Variants in LIFR observed in about 807,000 individuals in gnomAD.
LIFR encodes LIF receptor subunit alpha, also known as leukemia inhibitory factor receptor.
A neutral mutation model predicts 122.2 loss-of-function variants in LIFR; 84 were observed. The ratio of observed to expected loss-of-function variants is 0.69; its 90% CI spans 0.58 to 0.82. The LOEUF (loss-of-function observed/expected upper bound fraction) is 0.82, where lower values mean the gene tolerates loss of function less well. LIFR is among the 40% of genes least tolerant of loss of function. LIFR has a pLI of 0.00. For missense variants in LIFR, 1,294 were observed against 1,311.6 expected (o/e 0.99, Z 0.21); for synonymous variants, 422 against 434.7 (o/e 0.97, Z 0.36).
rs182158865 is a variant in LIFR at position 38,495,023 on chromosome 5, G to C, written c.1886-1238C>G. Among the ~76,000 whole-genome samples the C allele has an allele frequency of 2.9e-4, 44 of 152,300 alleles. 1 individual carries two copies. The East Asian group carries it at 8.1e-3, about 28-fold the overall frequency. On this transcript the variant is annotated intron_variant, in intron 13 of 19. Coordinates refer to ENST00000453190, the MANE Select transcript of LIFR (RefSeq NM_001127671.2). ...AGACAACAATTTGGCTGAGAATAGA[G>C]AACACTTCGGACATAACAGCTTTTT...
chr5:38,560,134 A>T (rs1051713415), upstream of LIFR, among the ~76,000 whole-genome samples: 3 of 152,096 alleles, frequency 2.0e-5, no homozygotes, highest in Non-Finnish European at 2.9e-5. Context: ...AGTCAGCAGG[A>T]GAAGATATGG....
chr5:38,483,349 G>A (rs1028612448), intron 18 of LIFR, among the ~76,000 whole-genome samples: 3 of 152,094 alleles, frequency 2.0e-5, no homozygotes, highest in South Asian at 2.1e-4. Flanking sequence ...AGTTTGAAAC[G>A]CTGTAACTTC....
intron 1 of LIFR, among the ~76,000 whole-genome samples, chr5:38,578,345 T>G (rs1029372882): frequency 3.3e-5 from 5 of 151,712 alleles, no homozygotes; most frequent in African/African-American, 1.2e-4. Context: ...TAGCTGGTAT[T>G]ACAGGCATGG....
At chr5:38,530,812 C>A in intron 1 of LIFR, 146 bp from the exon 2 acceptor site, 1 of 771,610 alleles carries the variant, frequency 1.3e-6, no homozygotes, top group Non-Finnish European at 2.2e-6. Context: ...CTCAAGCTTC[C>A]CTGGCTTGTG....
intron 12 of LIFR, 146 bp downstream of exon 12, chr5:38,499,367 G>A: frequency 3.1e-6 from 2 of 649,496 alleles, no homozygotes; most frequent in Non-Finnish European, 5.6e-6. Flanking sequence ...GAATTTGGGG[G>A]GTTTAGGAAC....
chr5:38,511,617 C>G (rs1463353465), intron 6 of LIFR, among the ~76,000 whole-genome samples, 173 bp downstream of exon 6: 1 of 152,106 alleles, frequency 6.6e-6, no homozygotes, highest in Non-Finnish European at 1.5e-5. Context: ...ATTCCTGAAG[C>G]CTATCTCAGA....
intron 4 of LIFR, among the ~76,000 whole-genome samples, chr5:38,526,597 T>C (rs1746699567): frequency 6.6e-6 from 1 of 152,204 alleles, no homozygotes; most frequent in Non-Finnish European, 1.5e-5. Flanking sequence ...AGAGCTTCTC[T>C]TGCACACAGT....
chr5:38,559,913 G>A (rs531540666), upstream of LIFR, among the ~76,000 whole-genome samples: 8 of 152,208 alleles, frequency 5.3e-5, 2 homozygotes, highest in African/African-American at 1.9e-4. Context: ...CATTTGAAAT[G>A]CATCATTATA....
intron 16 of LIFR, 118 bp downstream of exon 16, chr5:38,488,960 C>G: frequency 1.3e-6 from 1 of 785,850 alleles, no homozygotes; most frequent in Non-Finnish European, 2.1e-6. Context: ...ATTTCTCTAT[C>G]TTTCAGATAG....
At chr5:38,564,967 G>T (rs185621415) in intron 1 of LIFR, among the ~76,000 whole-genome samples, 2 of 151,922 alleles carry the variant, frequency 1.3e-5, no homozygotes, top group Non-Finnish European at 2.9e-5. Context: ...TAGAGACAGG[G>T]TTTCGCCACA....
intron 14 of LIFR, among the ~76,000 whole-genome samples, chr5:38,492,500 G>A (rs1344625896): frequency 1.3e-5 from 2 of 152,170 alleles, no homozygotes; most frequent in East Asian, 1.9e-4. Flanking sequence ...GGTAGCATGT[G>A]GCTGGGTCCT....
chr5:38,508,995 T>C (rs185018972), intron 7 of LIFR, among the ~76,000 whole-genome samples: 75 of 152,300 alleles, frequency 4.9e-4, no homozygotes, highest in Middle Eastern at 3.4e-3. Context: ...TCTTATAAAT[T>C]TCCTAAAAGT....
Position 38,476,733 on chromosome 5 carries a change from G to C in LIFR, c.*4862C>G. ...TTCAATCAGTTTTTCTTTTATAAGA[G>C]CTTTTGATGTACTGTTTCTACGGTT... On this transcript the variant is annotated 3_prime_UTR_variant, in exon 20 of 20. Transcript: ENST00000453190. 4.8e-6 allele frequency: 1 copy of C among 210,340 alleles called. No individual in the cohort carries two copies. The highest frequency in any genetic ancestry group is 9.6e-6 in the Non-Finnish European group (1 of 103,738). The allele number at this position is 210,340 out of a possible 1,614,324, so 13.0% of individuals were successfully genotyped here.
intron 1 of LIFR, among the ~76,000 whole-genome samples, chr5:38,543,379 G>A (rs922806382): frequency 1.3e-5 from 2 of 152,144 alleles, no homozygotes; most frequent in African/African-American, 4.8e-5. Context: ...GGCTCGTAAG[G>A]AGCAAAGCCA....
At chr5:38,522,284 G>A (rs939155404) in intron 5 of LIFR, among the ~76,000 whole-genome samples, 1 of 152,216 alleles carries the variant, frequency 6.6e-6, no homozygotes, top group African/African-American at 2.4e-5. Context: ...TAGCAGTGGA[G>A]CCACTGCTGG....
At chr5:38,501,731 ACT>A (rs1745189755) in intron 11 of LIFR, among the ~76,000 whole-genome samples, 1 of 151,280 alleles carries the variant, frequency 6.6e-6, no homozygotes, top group Non-Finnish European at 1.5e-5. Flanking sequence ...ACAAAGTGAG[ACT>A]CTGTCTCAAA....
chr5:38,548,730 T>C (rs6871541), intron 1 of LIFR, among the ~76,000 whole-genome samples: 4,669 of 152,276 alleles, frequency 0.031, 277 homozygotes, highest in African/African-American at 0.11. Context: ...AAAAATGCCT[T>C]CAATTCAAAA....
In LIFR at chr5:38,474,680, C is replaced by T. The variant is rs867786668; in HGVS notation, c.*6915G>A. ...AAACTAAAAACCATTACTTTAAAGA[C>T]CAGTATTTATTATTTATTTGCTAAT... On this transcript the variant is annotated 3_prime_UTR_variant, in exon 20 of 20. Transcript: ENST00000453190. Among the ~76,000 whole-genome samples, 1 of 152,078 alleles carries T rather than the reference C, an allele frequency of 6.6e-6. No homozygotes were observed. The highest frequency in any genetic ancestry group is 2.4e-5 in the African/African-American group (1 of 41,398).
At position 38,482,596 on chromosome 5, in the gene LIFR, A is replaced by T; in HGVS notation, c.2663T>A (p.Val888Asp). Residue 888 changes from valine to aspartate, a missense_variant, in exon 19 of 20, where the codon GTC becomes GAC. Physicochemically the swap from Val to Asp is radical, Grantham distance 152. Transcript: ENST00000453190. ...AAGAAAATAAAAGATTACCTCACAGACACTCTTTTGAAACTGTAATGCTTT... is the reference window on the plus strand; with the variant it reads ...AAGAAAATAAAAGATTACCTCACAGTCACTCTTTTGAAACTGTAATGCTTT... ...NCKALQFQKS[V>D]CEGSSALKTL... The T allele has an allele frequency of 6.8e-7, 1 of 1,462,474 alleles. No individual in the cohort carries two copies. Among genetic ancestry groups the T allele is most frequent in the Non-Finnish European group, 9.4e-7 (1 of 1,066,282 alleles). The allele number at this position is 1,462,474 out of a possible 1,614,324, so 90.6% of individuals were successfully genotyped here.
Sources: allele counts gnomAD v4.1 joint callset (sites outside exome capture counted in the v4.1 genomes callset), GRCh38; gene constraint gnomAD v4.1.1; transcripts MANE v1.5; gene names NCBI Gene and HGNC (gene_info 2026-07-23, HGNC 2026-07-21).